PCDHA3: variants seen among roughly 807,000 people sequenced by gnomAD.
The protein encoded by PCDHA3 is protocadherin alpha 3.
PCDHA3 carries 41 observed loss-of-function variants against 62.2 expected under a neutral mutation model. The observed-to-expected ratio is 0.66, with a 90% CI of 0.51 to 0.86. The LOEUF (loss-of-function observed/expected upper bound fraction) is 0.86. Ranked by LOEUF, PCDHA3 falls within the 40% of genes least tolerant of loss-of-function variation. PCDHA3 has a pLI of 0.00. For missense variants in PCDHA3, 1,304 were observed against 1,241.2 expected (o/e 1.05, Z -0.76); for synonymous variants, 640 against 555.4 (o/e 1.15, Z -2.14).
chr5:140,877,401 G>A, intron 1 of PCDHA3: 1 of 1,613,944 alleles, frequency 6.2e-7, no homozygotes. Context: ...CGGACGCTCC[G>A]CGCCACCGCC....
intron 1 of PCDHA3, chr5:140,883,418 C>G: frequency 6.2e-7 from 1 of 1,614,172 alleles, no homozygotes; most frequent in Non-Finnish European, 8.5e-7. Context: ...CTCAAATGGA[C>G]AGGTCACCTG....
chr5:140,967,276 G>C, intron 1 of PCDHA3: 2 of 1,613,398 alleles, frequency 1.2e-6, no homozygotes. Context: ...TTCACATAGA[G>C]AGTGCGCAGG....
At chr5:140,830,180 A>G (rs1770875458) in intron 1 of PCDHA3, 1 of 1,613,474 alleles carries the variant, frequency 6.2e-7, no homozygotes, top group South Asian at 1.1e-5. Flanking sequence ...GGTGGATGTC[A>G]ACGTGTACCT....
At chr5:140,822,921 G>A (rs2150120413) in intron 1 of PCDHA3, 1 of 1,614,234 alleles carries the variant, frequency 6.2e-7, no homozygotes, top group Non-Finnish European at 8.5e-7. Context: ...GTGCCAACGG[G>A]CAGGTGACCT....
chr5:140,842,085 C>T (rs2150329021), intron 1 of PCDHA3: 1 of 1,613,890 alleles, frequency 6.2e-7, no homozygotes, highest in Non-Finnish European at 8.5e-7. Flanking sequence ...TTCGAAAACG[C>T]AGACAACGGA....
chr5:140,810,665 C>A (rs1307676376), intron 1 of PCDHA3: 1 of 122,538 alleles, frequency 8.2e-6, no homozygotes, highest in Non-Finnish European at 1.7e-5. Context: ...TGTTGTTTTT[C>A]TTTTCTTTTT....
chr5:140,900,015 A>C (rs2067686381), intron 1 of PCDHA3, among the ~76,000 whole-genome samples: 1 of 151,940 alleles, frequency 6.6e-6, no homozygotes, highest in African/African-American at 2.4e-5. Context: ...TCACTTTGTT[A>C]CCCAGTTTGG....
At chr5:141,006,085 C>T (rs1588120524) in intron 3 of PCDHA3, among the ~76,000 whole-genome samples, 1 of 148,094 alleles carries the variant, frequency 6.8e-6, no homozygotes, top group African/African-American at 2.5e-5. Context: ...ATTGAAGGGA[C>T]TTATGTATCA....
rs576802253 is a variant in PCDHA3 at position 140,888,837 on chromosome 5, C to T, written c.2394+85246C>T. ...GATCTGTGATCACATCACTCCACTG[C>T]AGCCTGGTGACAGAGTGAGACCATG... is the stretch of plus-strand genomic sequence containing the variant. On this transcript the variant is annotated intron_variant, in intron 1 of 3. Coordinates refer to ENST00000522353, the MANE Select transcript of PCDHA3 (RefSeq NM_018906.3). Among the ~76,000 whole-genome samples, 5 of 152,130 alleles carry T rather than the reference C, an allele frequency of 3.3e-5. No individual in the cohort carries two copies. In the South Asian group the frequency reaches 1.0e-3, roughly 32 times the overall value.
At chr5:140,836,936 A>C in intron 1 of PCDHA3, 1 of 476,206 alleles carries the variant, frequency 2.1e-6, no homozygotes, top group Non-Finnish European at 3.6e-6. Context: ...GTAATACTAT[A>C]GATCAAAATC....
At chr5:140,834,333 T>C (rs781836936) in intron 1 of PCDHA3, 11 of 1,490,244 alleles carry the variant, frequency 7.4e-6, no homozygotes, top group Non-Finnish European at 1.0e-5. Flanking sequence ...AACATTCCTA[T>C]AAATTCGAAG....
rs2150101302 is a variant in PCDHA3 at position 140,818,452 on chromosome 5, A to G, written c.2394+14861A>G. Reference sequence around the variant, plus strand: ...CTAACTTGGGTACTGGCTAATGTCAAAAGAAACTTTCCTCCCACAAAGTTT... The same window carrying G: ...CTAACTTGGGTACTGGCTAATGTCAGAAGAAACTTTCCTCCCACAAAGTTT... On this transcript the variant is annotated intron_variant, in intron 1 of 3. Transcript: ENST00000522353. Among the ~76,000 whole-genome samples the G allele has an allele frequency of 1.7e-3, 261 of 152,350 alleles. 3 individuals are homozygous for G. Among genetic ancestry groups the G allele is most frequent in the Non-Finnish European group, 3.1e-3 (214 of 68,036 alleles).
At chr5:140,808,921 C>G in intron 1 of PCDHA3, 3 of 1,613,590 alleles carry the variant, frequency 1.9e-6, no homozygotes, top group Non-Finnish European at 2.5e-6. Flanking sequence ...GCGCAGTGAG[C>G]GAGCTGGTGC....
chr5:141,000,395 C>CTCTATAAA (rs1213762225), intron 3 of PCDHA3, among the ~76,000 whole-genome samples: 2 of 53,986 alleles, frequency 3.7e-5, no homozygotes, highest in African/African-American at 1.5e-4. Context: ...CTCTCTCTCT[C>CTCTATAAA]TATATATATA....
In PCDHA3 at chr5:140,807,674, G is replaced by T. The variant is rs782061737; in HGVS notation, c.2394+4083G>T. Reference sequence around the variant, plus strand: ...AGAGGGCGCCTCGGATGCAGATATCGGGGAGAACGCCCTGCTCACTTACAG... The same window carrying T: ...AGAGGGCGCCTCGGATGCAGATATCTGGGAGAACGCCCTGCTCACTTACAG... On this transcript the variant is annotated intron_variant, in intron 1 of 3. Coordinates refer to ENST00000522353, the MANE Select transcript of PCDHA3 (RefSeq NM_018906.3). The T allele has an allele frequency of 3.2e-5, 52 of 1,614,088 alleles. No homozygotes were observed. In the South Asian group the frequency reaches 4.9e-4, roughly 15 times the overall value.
At chr5:140,893,951 T>TTA (rs2064251628) in intron 1 of PCDHA3, among the ~76,000 whole-genome samples, 1 of 152,184 alleles carries the variant, frequency 6.6e-6, no homozygotes, top group Admixed American at 6.5e-5. Context: ...CTGCATGACT[T>TTA]TATTAGTCAT....
chr5:140,850,287 G>A lies in PCDHA3; in HGVS notation c.2394+46696G>A. On this transcript the variant is annotated intron_variant, in intron 1 of 3. Transcript: ENST00000522353. ...AGTGGTGGGGAAGGTGCGCGCAGTG[G>A]ACGCCGACTCGGGCTACAACGCGTG... 2.5e-6 allele frequency: 4 copies of A among 1,595,954 alleles called. 1 individual carries two copies. Among genetic ancestry groups the A allele is most frequent in the Non-Finnish European group, 3.4e-6 (4 of 1,167,630 alleles).
intron 1 of PCDHA3, among the ~76,000 whole-genome samples, chr5:140,974,321 T>C (rs2096622495): frequency 6.6e-6 from 1 of 152,226 alleles, no homozygotes; most frequent in Non-Finnish European, 1.5e-5. Context: ...AGAGAGTAGC[T>C]GCTGTGCTAG....
rs2098417406 is a variant in PCDHA3, at chr5:141,010,474, G to A, written c.*537G>A. Reference sequence around the variant, plus strand: ...CGGAAGTTATCAGTATGGAGGGGAAGTGTAAACTTAAAGGGACCAGACTTT... The same window carrying A: ...CGGAAGTTATCAGTATGGAGGGGAAATGTAAACTTAAAGGGACCAGACTTT... On this transcript the variant is annotated 3_prime_UTR_variant, in exon 4 of 4. Transcript: ENST00000522353. The A allele has an allele frequency of 3.9e-6, 3 of 760,382 alleles. No individual in the cohort carries two copies. The highest frequency in any genetic ancestry group is 3.2e-5 in the Admixed American group (1 of 31,594). The allele number at this position is 760,382 out of a possible 1,614,324, so 47.1% of individuals were successfully genotyped here.
Sources: gnomAD v4.1 joint callset for allele counts (sites outside exome capture counted in the v4.1 genomes callset) on GRCh38, gnomAD v4.1.1 for gene constraint, MANE v1.5 for transcripts, NCBI Gene and HGNC (gene_info 2026-07-23, HGNC 2026-07-21) for gene names.